The following GLT1D1 variants were observed in gnomAD, a reference collection of about 807,000 sequenced individuals.
GLT1D1 encodes the protein glycosyltransferase 1 domain-containing protein 1.
In GLT1D1, 21 loss-of-function variants were observed where a neutral mutation model predicts 28.7. The observed-to-expected ratio is 0.73, with a 90% CI of 0.52 to 1.05. The LOEUF is 1.05. Ranked by LOEUF, GLT1D1 falls within the 50% of genes least tolerant of loss-of-function variation. The probability of loss-of-function intolerance (pLI) is 0.00; values close to 1 mark genes in which losing one functional copy is unlikely to be tolerated. For missense variants in GLT1D1, 343 were observed against 330.6 expected (o/e 1.04, Z -0.29); for synonymous variants, 147 against 124.8 (o/e 1.18, Z -1.19).
At chr12:128,912,177 A>G (rs1871608571) in intron 4 of GLT1D1, among the ~76,000 whole-genome samples, 1 of 152,174 alleles carries the variant, frequency 6.6e-6, no homozygotes. Flanking sequence ...GCCTCATTTA[A>G]GAGACTTTTT....
chr12:128,917,512 A>C (rs367919074), intron 4 of GLT1D1, among the ~76,000 whole-genome samples: 12 of 152,252 alleles, frequency 7.9e-5, no homozygotes, highest in African/African-American at 2.9e-4. Context: ...TCCTGAGCTC[A>C]AGTAAGCCAT....
chr12:128,865,565 G>A (rs1362323844), intron 1 of GLT1D1, among the ~76,000 whole-genome samples: 1 of 152,168 alleles, frequency 6.6e-6, no homozygotes, highest in East Asian at 1.9e-4. Flanking sequence ...GCTCACGCCT[G>A]TAATCCCAGC....
At chr12:128,856,713 C>T (rs12822447) in intron 1 of GLT1D1, among the ~76,000 whole-genome samples, 12,908 of 152,134 alleles carry the variant, frequency 0.085, 731 homozygotes, top group Middle Eastern at 0.13. Flanking sequence ...CTGGCTTGTA[C>T]ATGTGGTGGG....
At chr12:128,931,919 A>G (rs991288612) in intron 4 of GLT1D1, among the ~76,000 whole-genome samples, 5 of 111,632 alleles carry the variant, frequency 4.5e-5, no homozygotes, top group Non-Finnish European at 6.6e-5. Flanking sequence ...ACACGCACGC[A>G]CACACACACA....
Position 128,880,982 on chromosome 12 carries a change from T to A in GLT1D1, c.217+4920T>A, listed in dbSNP as rs934073018. ...GCTCACGCCTGTAATCCCAGCACTT[T>A]GGGTGGTGGAGACGGGCGGATCACG... On this transcript the variant is annotated intron_variant, in intron 2 of 7. Coordinates refer to ENST00000281703, the MANE Select transcript of GLT1D1 (RefSeq NM_144669.3). Among the ~76,000 whole-genome samples the A allele has an allele frequency of 1.3e-4, 20 of 151,940 alleles. 1 individual carries two copies. Among genetic ancestry groups the A allele is most frequent in the Admixed American group, 9.2e-4 (14 of 15,230 alleles).
intron 6 of GLT1D1, among the ~76,000 whole-genome samples, chr12:128,951,525 T>C (rs1426089374): frequency 6.6e-6 from 1 of 152,202 alleles, no homozygotes; most frequent in Non-Finnish European, 1.5e-5. Flanking sequence ...AACACAAAGG[T>C]GTCAGGTGCA....
intron 6 of GLT1D1, among the ~76,000 whole-genome samples, chr12:128,951,031 C>T (rs1876640564): frequency 6.6e-6 from 1 of 152,104 alleles, no homozygotes; most frequent in African/African-American, 2.4e-5. Flanking sequence ...AGTGTTCTCA[C>T]CACACAAAAC....
chr12:128,965,642 C>G (rs1878373793), intron 7 of GLT1D1, among the ~76,000 whole-genome samples: 1 of 142,382 alleles, frequency 7.0e-6, no homozygotes, highest in African/African-American at 2.6e-5. Context: ...AAGGCTAAGG[C>G]AAGCAGATTG....
intron 7 of GLT1D1, among the ~76,000 whole-genome samples, chr12:128,973,878 TGTGTGTGTAGGGGGTGTGTGTGTAGGGG>T (rs1330554100): frequency 2.0e-4 from 27 of 133,004 alleles, no homozygotes; most frequent in Middle Eastern, 3.6e-3. Flanking sequence ...GTTTCCCGTG[TGTGTGTGTAGGGGGTGTGTGTGTAGGGG>T]GTGTGTGTAG....
chr12:128,964,017 G>A (rs992706884), intron 7 of GLT1D1, among the ~76,000 whole-genome samples: 2 of 152,130 alleles, frequency 1.3e-5, no homozygotes, highest in African/African-American at 4.8e-5. Flanking sequence ...TCCAAGATGG[G>A]CACCTCATAG....
At chr12:128,965,727 A>G (rs935003421) in intron 7 of GLT1D1, among the ~76,000 whole-genome samples, 9 of 141,220 alleles carry the variant, frequency 6.4e-5, no homozygotes, top group South Asian at 2.3e-4. Flanking sequence ...AAAAAAAAAA[A>G]AAAAAAAAGA....
At chr12:128,975,414 T>C (rs516034) in intron 7 of GLT1D1, among the ~76,000 whole-genome samples, 80,397 of 151,940 alleles carry the variant, frequency 0.53, 21,522 homozygotes, top group Admixed American at 0.63. Context: ...CTTGCTCAGT[T>C]TCCATCTGCA....
At chr12:128,965,586 C>G (rs1482961595) in intron 7 of GLT1D1, among the ~76,000 whole-genome samples, 4 of 151,906 alleles carry the variant, frequency 2.6e-5, no homozygotes, top group Non-Finnish European at 5.9e-5. Context: ...AAACTAGTCC[C>G]AGAGGCTGGG....
At chr12:128,970,324 C>T (rs1303767533) in intron 7 of GLT1D1, among the ~76,000 whole-genome samples, 1 of 152,318 alleles carries the variant, frequency 6.6e-6, no homozygotes, top group African/African-American at 2.4e-5. Flanking sequence ...CGCCCTCTCC[C>T]CTGAGCCCCA....
At chr12:128,871,354 G>T (rs1445231495) in intron 1 of GLT1D1, among the ~76,000 whole-genome samples, 1 of 152,134 alleles carries the variant, frequency 6.6e-6, no homozygotes, top group Non-Finnish European at 1.5e-5. Flanking sequence ...ATTTCCAAAG[G>T]ATACTAGGTT....
chr12:128,909,882 A>G (rs907757220), intron 4 of GLT1D1, among the ~76,000 whole-genome samples: 2 of 152,266 alleles, frequency 1.3e-5, no homozygotes, highest in African/African-American at 4.8e-5. Context: ...GCTAATCTGC[A>G]AGGCAGGCCG....
At chr12:128,945,894 A>G (rs1198157736) in intron 5 of GLT1D1, among the ~76,000 whole-genome samples, 1 of 152,158 alleles carries the variant, frequency 6.6e-6, no homozygotes, top group Non-Finnish European at 1.5e-5. Flanking sequence ...CATGGTAGCT[A>G]TAGAGCTGTG....
chr12:128,909,647 G>C (rs1459728738), intron 4 of GLT1D1, among the ~76,000 whole-genome samples: 1 of 152,192 alleles, frequency 6.6e-6, no homozygotes, highest in African/African-American at 2.4e-5. Context: ...TTTAATTTTA[G>C]AAGGTGAATC....
At position 128,981,749 on chromosome 12, in the gene GLT1D1, C is replaced by T. The variant is rs150243248; in HGVS notation, c.640-1180C>T. Among the ~76,000 whole-genome samples, 554 of 152,252 alleles carry T rather than the reference C, an allele frequency of 3.6e-3. 2 individuals are homozygous for T. The highest frequency in any genetic ancestry group is 6.4e-3 in the Non-Finnish European group (432 of 68,020). ...ATGGTAATGAGAGCTAAGTATGTGC[C>T]GGGCTTTGCTCAAAATTCTTTGTTT... On this transcript the variant is annotated intron_variant, in intron 7 of 7. Coordinates refer to ENST00000281703, the MANE Select transcript of GLT1D1 (RefSeq NM_144669.3).
Sources: gnomAD v4.1 joint callset for allele counts (sites outside exome capture counted in the v4.1 genomes callset) on GRCh38, gnomAD v4.1.1 for gene constraint, MANE v1.5 for transcripts, NCBI Gene and HGNC (gene_info 2026-07-23, HGNC 2026-07-21) for gene names.